The following CATSPERT variants were observed in gnomAD, a reference collection of about 807,000 sequenced individuals.
The protein encoded by CATSPERT is cation channel sperm-associated targeting subunit tau.
At chr2:201,591,311 T>A in the CATSPERT span, among the ~76,000 whole-genome samples, 1 of 152,206 alleles carries the variant, frequency 6.6e-6, no homozygotes, top group African/African-American at 2.4e-5. Flanking sequence ...GTGGCGTTAT[T>A]TCTAAGGGCT....
the CATSPERT span, among the ~76,000 whole-genome samples, chr2:201,584,941 AAC>A: frequency 6.6e-6 from 1 of 152,200 alleles, no homozygotes; most frequent in Non-Finnish European, 1.5e-5. Flanking sequence ...AAAAATATAT[AAC>A]ACACACAGAA....
chr2:201,529,108 C>T, the CATSPERT span, among the ~76,000 whole-genome samples: 2 of 151,960 alleles, frequency 1.3e-5, no homozygotes, highest in African/African-American at 4.8e-5. Context: ...AAGATAAAAA[C>T]AAATGGAAAG....
chr2:201,577,421 A>C, the CATSPERT span, among the ~76,000 whole-genome samples: 1 of 152,220 alleles, frequency 6.6e-6, no homozygotes, highest in African/African-American at 2.4e-5. Flanking sequence ...AAGGGATTGA[A>C]ATCAGTATGT....
At chr2:201,501,637 TACAA>T in the CATSPERT span, among the ~76,000 whole-genome samples, 1 of 152,082 alleles carries the variant, frequency 6.6e-6, no homozygotes, top group South Asian at 2.1e-4. Context: ...CAACAAAATT[TACAA>T]ACCTTTATAG....
chr2:201,512,775 T>C, the CATSPERT span, among the ~76,000 whole-genome samples: 1 of 152,172 alleles, frequency 6.6e-6, no homozygotes, highest in East Asian at 1.9e-4. Flanking sequence ...CATGTAAGTC[T>C]TAATTTCCCT....
the CATSPERT span, among the ~76,000 whole-genome samples, chr2:201,545,943 G>A: frequency 6.6e-6 from 1 of 152,014 alleles, no homozygotes; most frequent in Non-Finnish European, 1.5e-5. Context: ...TAACTTCAGG[G>A]GGTATGAGAA....
chr2:201,581,477 AATATATAT>A, the CATSPERT span, among the ~76,000 whole-genome samples: 581 of 14,796 alleles, frequency 0.039, 17 homozygotes, highest in Middle Eastern at 0.083. Flanking sequence ...CACATTCCGG[AATATATAT>A]ATATATATAT....
the CATSPERT span, among the ~76,000 whole-genome samples, chr2:201,541,534 TATATATATATATATATATA>T: frequency 5.6e-4 from 9 of 15,948 alleles, no homozygotes; most frequent in South Asian, 0.025. Context: ...GATGATTTTA[TATATATATATATATATATA>T]TATATATATA....
the CATSPERT span, among the ~76,000 whole-genome samples, chr2:201,503,045 T>G: frequency 6.6e-6 from 1 of 152,122 alleles, no homozygotes; most frequent in African/African-American, 2.4e-5. Context: ...AAAAATTCCT[T>G]TGGGGTTAAT....
chr2:201,589,449 C>T, the CATSPERT span, among the ~76,000 whole-genome samples: 5 of 152,098 alleles, frequency 3.3e-5, no homozygotes, highest in African/African-American at 1.2e-4. Flanking sequence ...GAAATAAGAC[C>T]ACACACCTAC....
At chr2:201,540,572 T>C in the CATSPERT span, among the ~76,000 whole-genome samples, 1 of 152,222 alleles carries the variant, frequency 6.6e-6, no homozygotes, top group Non-Finnish European at 1.5e-5. Context: ...GCAGATCTGT[T>C]TGCAGCATGG....
chr2:201,618,843 C>T, the CATSPERT span: 4 of 1,551,468 alleles, frequency 2.6e-6, no homozygotes, highest in South Asian at 4.6e-5. Flanking sequence ...TCACCACCCT[C>T]CAGGTGCCCT....
chr2:201,575,067 A>AGAG, the CATSPERT span, among the ~76,000 whole-genome samples: 40,028 of 142,380 alleles, frequency 0.28, 6,487 homozygotes, highest in East Asian at 0.58. Context: ...AAGAAGAAGA[A>AGAG]GAGGAGGAAG....
chr2:201,612,976 ACTGCAAGG>A, the CATSPERT span, among the ~76,000 whole-genome samples: 4 of 152,022 alleles, frequency 2.6e-5, no homozygotes, highest in African/African-American at 9.7e-5. Context: ...CTGAGATCCA[ACTGCAAGG>A]CAGCAGCAAG....
chr2:201,503,538 G>C, the CATSPERT span, among the ~76,000 whole-genome samples: 909 of 152,176 alleles, frequency 6.0e-3, 2 homozygotes, highest in Non-Finnish European at 9.6e-3. Flanking sequence ...GGAACTATAG[G>C]GGGGCACCAC....
the CATSPERT span, among the ~76,000 whole-genome samples, chr2:201,560,773 C>T: frequency 6.6e-6 from 1 of 151,532 alleles, no homozygotes; most frequent in African/African-American, 2.4e-5. Flanking sequence ...ATATTTCAGC[C>T]TTGTGAAATC....
chr2:201,528,852 C>A, the CATSPERT span, among the ~76,000 whole-genome samples: 1 of 152,012 alleles, frequency 6.6e-6, no homozygotes, highest in Non-Finnish European at 1.5e-5. Flanking sequence ...CACTAAGCCC[C>A]AGAGACATGA....
chr2:201,490,027 T>G, the CATSPERT span, among the ~76,000 whole-genome samples: 2 of 152,130 alleles, frequency 1.3e-5, no homozygotes, highest in African/African-American at 4.8e-5. Flanking sequence ...CAGCTAATTT[T>G]TGTACTTTTA....
At chr2:201,564,626 A>G in the CATSPERT span, among the ~76,000 whole-genome samples, 1 of 152,164 alleles carries the variant, frequency 6.6e-6, no homozygotes, top group African/African-American at 2.4e-5. Context: ...TCATGAGGGT[A>G]GAGCCCTCAT....
Sources: allele counts gnomAD v4.1 joint callset (sites outside exome capture counted in the v4.1 genomes callset), GRCh38; gene constraint gnomAD v4.1.1; transcripts MANE v1.5; gene names NCBI Gene and HGNC (gene_info 2026-07-23, HGNC 2026-07-21).